TENM2: variants seen among roughly 807,000 people sequenced by gnomAD.
TENM2 encodes the protein teneurin-2.
A neutral mutation model predicts 245.2 loss-of-function variants in TENM2; 52 were observed. The ratio of observed to expected loss-of-function variants is 0.21; its 90% CI spans 0.17 to 0.27. TENM2 has a LOEUF of 0.27. Ranked by LOEUF, TENM2 falls within the 10% of genes least tolerant of loss-of-function variation. The pLI is 1.00. For missense variants in TENM2, 3,046 were observed against 3,666.8 expected, an observed-to-expected ratio of 0.83 and a Z score of 4.37; for synonymous variants, 1,363 against 1,438.9, an observed-to-expected ratio of 0.95 and a Z score of 1.19.
chr5:167,459,361 G>C (rs1363939182), intron 2 of TENM2, among the ~76,000 whole-genome samples: 1 of 152,174 alleles, frequency 6.6e-6, no homozygotes. Flanking sequence ...CCCACTGTAG[G>C]TATAAACTGC....
chr5:167,357,759 C>A (rs1759440295), intron 1 of TENM2, among the ~76,000 whole-genome samples: 1 of 152,048 alleles, frequency 6.6e-6, no homozygotes, highest in South Asian at 2.1e-4. Context: ...TCAAGTAGTC[C>A]TTTGATTCTG....
the TENM2 span, among the ~76,000 whole-genome samples, chr5:167,067,742 G>A: frequency 2.0e-5 from 3 of 152,154 alleles, no homozygotes; most frequent in African/African-American, 7.2e-5. Flanking sequence ...ACACTCGACA[G>A]TTCTCTAATG....
intron 13 of TENM2, among the ~76,000 whole-genome samples, chr5:168,179,966 A>G (rs1163456402): frequency 6.6e-6 from 1 of 152,222 alleles, no homozygotes; most frequent in Non-Finnish European, 1.5e-5. Context: ...CACCTAGCAC[A>G]GGGTCCCCAC....
intron 5 of TENM2, among the ~76,000 whole-genome samples, chr5:168,011,865 A>G (rs1175580484): frequency 1.3e-5 from 2 of 152,226 alleles, no homozygotes; most frequent in South Asian, 2.1e-4. Flanking sequence ...AAAACCTACT[A>G]TGTGCAGAAA....
chr5:168,246,980 C>A (rs1766632714), exon 27 of TENM2: 1 of 1,613,830 alleles, frequency 6.2e-7, no homozygotes, highest in African/African-American at 1.3e-5. Context: ...TTTTTGGGCA[C>A]CGGACGCCAG....
chr5:167,564,317 C>CT (rs1275812295), intron 2 of TENM2, among the ~76,000 whole-genome samples: 14 of 152,120 alleles, frequency 9.2e-5, no homozygotes, highest in Non-Finnish European at 1.8e-4. Context: ...AGGTAGAGGC[C>CT]TATGCAGCTG....
intron 2 of TENM2, among the ~76,000 whole-genome samples, chr5:167,750,787 A>G (rs1304201185): frequency 6.6e-6 from 1 of 152,140 alleles, no homozygotes; most frequent in Non-Finnish European, 1.5e-5. Context: ...CTCCAGAAGT[A>G]TGTCAGGACT....
chr5:168,121,413 A>C (rs1200917259), intron 10 of TENM2, among the ~76,000 whole-genome samples: 1 of 152,172 alleles, frequency 6.6e-6, no homozygotes, highest in African/African-American at 2.4e-5. Flanking sequence ...TCATAGTAAA[A>C]CTGCTCCTCT....
intron 2 of TENM2, among the ~76,000 whole-genome samples, chr5:167,386,429 G>A (rs1041533118): frequency 6.6e-6 from 1 of 152,102 alleles, no homozygotes; most frequent in African/African-American, 2.4e-5. Flanking sequence ...TTTGTCAGAT[G>A]TATAGATTGT....
the TENM2 span, among the ~76,000 whole-genome samples, chr5:167,124,280 T>A: frequency 6.6e-6 from 1 of 152,292 alleles, no homozygotes; most frequent in Non-Finnish European, 1.5e-5. Flanking sequence ...AGAAGGAGAT[T>A]TTTTCAATGT....
chr5:168,166,358 A>C (rs1445330930), intron 13 of TENM2, among the ~76,000 whole-genome samples: 1 of 152,256 alleles, frequency 6.6e-6, no homozygotes, highest in African/African-American at 2.4e-5. Context: ...TTTAAAAAAA[A>C]GAATCTGTTT....
the TENM2 span, among the ~76,000 whole-genome samples, chr5:167,023,522 G>T: frequency 6.6e-6 from 1 of 152,288 alleles, no homozygotes; most frequent in East Asian, 1.9e-4. Context: ...GAGCATAAAA[G>T]TGTTGATAAT....
At chr5:167,399,811 G>A (rs1346503702) in intron 2 of TENM2, among the ~76,000 whole-genome samples, 1 of 152,158 alleles carries the variant, frequency 6.6e-6, no homozygotes, top group African/African-American at 2.4e-5. Context: ...AGTATGCCAT[G>A]ATTAAAGGTT....
chr5:167,554,860 C>G (rs1356481450), intron 2 of TENM2, among the ~76,000 whole-genome samples: 1 of 152,144 alleles, frequency 6.6e-6, no homozygotes, highest in African/African-American at 2.4e-5. Flanking sequence ...CTCTCTCTCT[C>G]TGCTCCTCCT....
chr5:167,045,931 G>C, the TENM2 span, among the ~76,000 whole-genome samples: 1 of 152,206 alleles, frequency 6.6e-6, no homozygotes, highest in Non-Finnish European at 1.5e-5. Flanking sequence ...TCAGAGGGAA[G>C]CGTGGAAAGA....
intron 2 of TENM2, among the ~76,000 whole-genome samples, chr5:167,483,906 A>G (rs1767910129): frequency 6.6e-6 from 1 of 152,248 alleles, no homozygotes; most frequent in Admixed American, 6.5e-5. Context: ...AAAGTTTGGC[A>G]GTTTGACATT....
At chr5:167,993,457 C>A (rs193148938) in intron 5 of TENM2, among the ~76,000 whole-genome samples, 6 of 152,362 alleles carry the variant, frequency 3.9e-5, no homozygotes, top group Admixed American at 2.6e-4. Flanking sequence ...TGAGACTTTT[C>A]ATTCCCGCAA....
intron 8 of TENM2, among the ~76,000 whole-genome samples, chr5:168,097,398 GT>G (rs1272909698): frequency 6.6e-6 from 1 of 152,044 alleles, no homozygotes; most frequent in Non-Finnish European, 1.5e-5. Context: ...CAGACTGATA[GT>G]TTATTTTTTC....
intron 12 of TENM2, among the ~76,000 whole-genome samples, chr5:168,142,599 G>C (rs4368756): frequency 0.56 from 85,795 of 152,068 alleles, 24,960 homozygotes; most frequent in East Asian, 0.95. Context: ...GAGGCTGATA[G>C]ATAAAGAAGG....
Sources: allele counts gnomAD v4.1 joint callset (sites outside exome capture counted in the v4.1 genomes callset), GRCh38; gene constraint gnomAD v4.1.1; transcripts MANE v1.5; gene names NCBI Gene and HGNC (gene_info 2026-07-23, HGNC 2026-07-21).